The following ZNF879 variants were observed in gnomAD, a reference collection of about 807,000 sequenced individuals.
The protein encoded by ZNF879 is zinc finger protein 879.
Under a neutral mutation model 44.3 loss-of-function variants are expected in ZNF879, and 32 were observed. That is an observed-to-expected ratio of 0.72 (90% CI 0.54 to 0.97). The LOEUF (loss-of-function observed/expected upper bound fraction) is 0.97, where lower values mean the gene tolerates loss of function less well. ZNF879 is among the 50% of genes least tolerant of loss of function. The probability of loss-of-function intolerance (pLI) is 0.00; values close to 1 mark genes in which losing one functional copy is unlikely to be tolerated. For missense variants in ZNF879, 621 were observed against 669.7 expected, an observed-to-expected ratio of 0.93 and a Z score of 0.80; for synonymous variants, 234 against 233.2, an observed-to-expected ratio of 1.00 and a Z score of -0.03.
intron 4 of ZNF879, among the ~76,000 whole-genome samples, chr5:179,029,463 A>G (rs1406736209): frequency 6.6e-6 from 1 of 152,238 alleles, no homozygotes; most frequent in East Asian, 1.9e-4. Flanking sequence ...ATAGAAATTC[A>G]ATCAGACATC....
At chr5:179,028,992 A>G (rs1050477374) in intron 4 of ZNF879, among the ~76,000 whole-genome samples, 1 of 151,994 alleles carries the variant, frequency 6.6e-6, no homozygotes, top group Non-Finnish European at 1.5e-5. Flanking sequence ...TTCTTGGGTA[A>G]CGGTTTTCAA....
chr5:179,028,608 C>T (rs74573527), intron 4 of ZNF879, among the ~76,000 whole-genome samples: 3 of 152,178 alleles, frequency 2.0e-5, no homozygotes, highest in East Asian at 3.9e-4. Flanking sequence ...TATTTACATA[C>T]ATGAAAGAGG....
Position 179,027,615 on chromosome 5 carries a change from C to T in ZNF879, c.160+16C>T, listed in dbSNP as rs1282327959. 2 of 1,613,344 alleles carry T rather than the reference C, an allele frequency of 1.2e-6. No homozygotes were observed. Among genetic ancestry groups the T allele is most frequent in the East Asian group, 2.2e-5 (1 of 44,852 alleles). The stretch of plus-strand genomic sequence containing the variant: ...GTCTCACTGGGTAAGGAACTTTCCT[C>T]CTGATGCAGAATCTGCCAGGAGAGC... On this transcript the variant is annotated intron_variant, in intron 3 of 4. Coordinates refer to ENST00000444149, the MANE Select transcript of ZNF879 (RefSeq NM_001136116.3).
At position 179,027,558 on chromosome 5, in the gene ZNF879, G is replaced by A. The variant is rs770604310; in HGVS notation, c.119G>A (p.Arg40Gln). The change falls in exon 3 of 5, where the codon CGG becomes CAG. Residue 40 changes from arginine (R) to glutamine (Q), a missense_variant. Physicochemically the swap from Arg to Gln is conservative, Grantham distance 43. Transcript: ENST00000444149. ...HLDSAQRALYREVMLENYSIL... is the reference protein window; with the variant it reads ...HLDSAQRALYQEVMLENYSIL... Reference sequence around the variant, plus strand: ...GACTCTGCCCAGAGAGCCTTGTACCGGGAGGTGATGCTGGAGAACTACAGC... The same window carrying A: ...GACTCTGCCCAGAGAGCCTTGTACCAGGAGGTGATGCTGGAGAACTACAGC... 8.1e-6 allele frequency: 13 copies of A among 1,614,068 alleles called. No individual in the cohort carries two copies. The highest frequency in any genetic ancestry group is 3.3e-5 in the South Asian group (3 of 91,072).
rs1444510962 is a variant in ZNF879 at position 179,032,613 on chromosome 5, A to C, written c.665A>C (p.His222Pro). 8.3e-6 allele frequency: 13 copies of C among 1,564,894 alleles called. No individual in the cohort carries two copies. The highest frequency in any genetic ancestry group is 1.1e-5 in the Non-Finnish European group (13 of 1,154,768). Reference protein sequence around the residue: ...IFLHSSSLSKHQRIHTGEKLY... With the variant: ...IFLHSSSLSKPQRIHTGEKLY... ...CTCCACAGTTCCTCCCTGAGTAAAC[A>C]CCAGAGAATCCACACTGGAGAGAAG... Residue 222 changes from histidine to proline, a missense_variant, in exon 5 of 5, where the codon CAC becomes CCC. By Grantham distance (77) the His-to-Pro change is moderately conservative. Transcript: ENST00000444149.
chr5:179,033,534 C>A lies in ZNF879; in HGVS notation c.1586C>A (p.Thr529Lys), dbSNP rs761351392. The A allele has an allele frequency of 6.4e-6, 10 of 1,554,880 alleles. No homozygotes were observed. The South Asian group carries it at 1.2e-4, about 18-fold the overall frequency. The change falls in exon 5 of 5, where the codon ACA becomes AAA. Residue 529 changes from threonine to lysine, a missense_variant. Coordinates refer to ENST00000444149, the MANE Select transcript of ZNF879 (RefSeq NM_001136116.3). ...KAFRQSSSLMTHMRIHTGEKP... is the reference protein window; with the variant it reads ...KAFRQSSSLMKHMRIHTGEKP... ...TTCAGACAGAGTTCATCCCTTATGACACACATGAGAATTCATACAGGGGAA... is the reference window on the plus strand; with the variant it reads ...TTCAGACAGAGTTCATCCCTTATGAAACACATGAGAATTCATACAGGGGAA...
Position 179,033,557 on chromosome 5 carries a change from G to A in ZNF879, c.1609G>A (p.Glu537Lys). 1.3e-6 allele frequency: 2 copies of A among 1,552,268 alleles called. No homozygotes were observed. Among genetic ancestry groups the A allele is most frequent in the Non-Finnish European group, 1.7e-6 (2 of 1,147,702 alleles). Residue 537 changes from glutamate (E) to lysine (K), a missense_variant, in exon 5 of 5, where the codon GAA (glutamate) becomes AAA (lysine). Transcript: ENST00000444149. The part of the protein sequence containing the change: ...LMTHMRIHTG[E>K]KPYKCKECGK... ...GACACACATGAGAATTCATACAGGG[G>A]AAAAACCTTATAAATGTAAAGAATG...
At chr5:179,027,683 G>T in intron 3 of ZNF879, 84 bp downstream of exon 3, 1 of 1,533,020 alleles carries the variant, frequency 6.5e-7, no homozygotes. Flanking sequence ...GCTTGGCCAG[G>T]TCGGCTCACA....
rs984267128 is a variant in ZNF879, at chr5:179,024,842, C to G, written c.-35-128C>G. On this transcript the variant is annotated intron_variant, in intron 1 of 4. Transcript: ENST00000444149. ...TTAAGTGGCCGGACTTAGGGCCCCTCTGGCCTGGGCAGTTCCAGGCTCCTT... is the reference window on the plus strand; with the variant it reads ...TTAAGTGGCCGGACTTAGGGCCCCTGTGGCCTGGGCAGTTCCAGGCTCCTT... 15 of 688,388 alleles carry G rather than the reference C, an allele frequency of 2.2e-5. No homozygotes were observed. The African/African-American group carries it at 2.5e-4, about 12-fold the overall frequency. 42.6% of individuals were successfully genotyped at this position (688,388 alleles called of 1,614,324 possible).
chr5:179,032,659 T>C lies in ZNF879; in HGVS notation c.711T>C (p.Cys237=), dbSNP rs754545501. 6.4e-7 allele frequency: 1 copy of C among 1,568,510 alleles called. No individual in the cohort carries two copies. The highest frequency in any genetic ancestry group is 8.6e-7 in the Non-Finnish European group (1 of 1,156,818). ...TGEKLYKCKE[C]RKAFSQSSSL... The stretch of plus-strand genomic sequence containing the variant: ...AGAAGCTCTATAAATGTAAGGAATG[T>C]AGGAAAGCCTTCAGCCAAAGCTCAT... The change falls in exon 5 of 5, where the codon TGT becomes TGC. Residue 237 remains cysteine (C), a synonymous_variant. Coordinates refer to ENST00000444149, the MANE Select transcript of ZNF879 (RefSeq NM_001136116.3).
At chr5:179,028,202 A>G (rs1298200905) in intron 4 of ZNF879, 75 bp downstream of exon 4, 17 of 1,329,502 alleles carry the variant, frequency 1.3e-5, no homozygotes, top group Middle Eastern at 4.6e-4. Context: ...GCTGCGCTCA[A>G]GGGTCTCCTT....
chr5:179,028,464 C>T (rs1390318328), intron 4 of ZNF879, among the ~76,000 whole-genome samples: 1 of 151,830 alleles, frequency 6.6e-6, no homozygotes, highest in Non-Finnish European at 1.5e-5. Flanking sequence ...TTGAACATTA[C>T]ATTGTTTTTT....
chr5:179,032,186 T>A lies in ZNF879; in HGVS notation c.257-19T>A, dbSNP rs139257377. ...AAATTCTGAGTTCAAGAGAGACTTA[T>A]ATGTTTTGTCTACTTTAGGATGGGA... is the stretch of plus-strand genomic sequence containing the variant. On this transcript the variant is annotated intron_variant, in intron 4 of 4. Transcript: ENST00000444149. The A allele has an allele frequency of 4.8e-6, 7 of 1,467,586 alleles. No homozygotes were observed. The East Asian group carries it at 1.2e-4, about 26-fold the overall frequency. 90.9% of individuals were successfully genotyped at this position (1,467,586 alleles called of 1,614,324 possible).
At chr5:179,025,437 G>A (rs918530541) in intron 2 of ZNF879, among the ~76,000 whole-genome samples, 28 of 152,104 alleles carry the variant, frequency 1.8e-4, no homozygotes, top group African/African-American at 6.5e-4. Flanking sequence ...CAATCTGCCC[G>A]CCTCAGCCTC....
intron 4 of ZNF879, among the ~76,000 whole-genome samples, chr5:179,029,071 G>A (rs1184117365): frequency 6.9e-6 from 1 of 145,572 alleles, no homozygotes; most frequent in African/African-American, 2.5e-5. Context: ...TCTGAGATTT[G>A]TTGTTTTGGA....
intron 4 of ZNF879, 79 bp from the exon 5 acceptor site, chr5:179,032,126 T>C: frequency 9.3e-7 from 1 of 1,080,574 alleles, no homozygotes; most frequent in Non-Finnish European, 1.3e-6. Flanking sequence ...TTTATATTTT[T>C]TAACTATCCT....
intron 2 of ZNF879, among the ~76,000 whole-genome samples, chr5:179,026,654 A>T (rs899876990): frequency 4.6e-5 from 7 of 152,110 alleles, no homozygotes; most frequent in Non-Finnish European, 8.8e-5. Flanking sequence ...AATTAATTAA[A>T]AAAAAATTAT....
Position 179,032,647 on chromosome 5 carries a change from A to G in ZNF879, c.699A>G (p.Lys233=), listed in dbSNP as rs780050135. Residue 233 remains lysine (K), a synonymous_variant, in exon 5 of 5, where the codon AAA becomes AAG. Transcript: ENST00000444149. The part of the protein sequence containing the change: ...QRIHTGEKLY[K]CKECRKAFSQ... ...TCCACACTGGAGAGAAGCTCTATAA[A>G]TGTAAGGAATGTAGGAAAGCCTTCA... 5.1e-6 allele frequency: 8 copies of G among 1,569,032 alleles called. No homozygotes were observed. Among genetic ancestry groups the G allele is most frequent in the African/African-American group, 1.4e-5 (1 of 73,632 alleles).
intron 4 of ZNF879, among the ~76,000 whole-genome samples, chr5:179,030,847 A>G (rs1225508150): frequency 1.3e-5 from 2 of 152,204 alleles, no homozygotes; most frequent in Admixed American, 6.5e-5. Context: ...GGTAGACAAA[A>G]AATTACTCTC....
Sources: allele counts gnomAD v4.1 joint callset (sites outside exome capture counted in the v4.1 genomes callset), GRCh38; gene constraint gnomAD v4.1.1; transcripts MANE v1.5; gene names NCBI Gene and HGNC (gene_info 2026-07-23, HGNC 2026-07-21).